The following ASXL3 variants were observed in gnomAD, a reference collection of about 807,000 sequenced individuals.
ASXL3 encodes ASXL transcriptional regulator 3, also known as putative Polycomb group protein ASXL3.
Under a neutral mutation model 170.6 loss-of-function variants are expected in ASXL3, and 34 were observed. The observed-to-expected ratio is 0.20, with a 90% CI of 0.15 to 0.27. The LOEUF (loss-of-function observed/expected upper bound fraction) is 0.27, where lower values mean the gene tolerates loss of function less well. Ranked by LOEUF, ASXL3 falls within the 10% of genes least tolerant of loss-of-function variation. ASXL3 has a pLI of 1.00. For synonymous variants in ASXL3, 1,002 were observed against 989.1 expected (o/e 1.01, Z -0.24); for missense variants, 2,592 against 2,695.3 (o/e 0.96, Z 0.85).
rs1026718649 is a variant in ASXL3, at chr18:33,743,480, A to C, written c.3632A>C (p.His1211Pro). ...HSSDENIPVSHLSEKIVSSTS... is the reference protein window; with the variant it reads ...HSSDENIPVSPLSEKIVSSTS... ...TCTGATGAAAACATACCTGTGTCACATTTATCTGAGAAAATTGTTTCATCT... is the reference window on the plus strand; with the variant it reads ...TCTGATGAAAACATACCTGTGTCACCTTTATCTGAGAAAATTGTTTCATCT... Residue 1211 changes from histidine (H) to proline (P), a missense_variant, in exon 12 of 12, where the codon CAT (histidine) becomes CCT (proline). Physicochemically the swap from His to Pro is moderately conservative, Grantham distance 77 (BLOSUM62 -2). Around this residue, in one of 4 missense-constraint regions of ASXL3, gnomAD observed 2,246 missense variants for 2,219.6 expected, o/e 1.01. Transcript: ENST00000269197. 16 of 1,613,674 alleles carry C rather than the reference A, an allele frequency of 9.9e-6. No homozygotes were observed. The highest frequency in any genetic ancestry group is 1.3e-5 in the Non-Finnish European group (15 of 1,179,892).
At chr18:33,690,937 C>A (rs75599720) in intron 8 of ASXL3, among the ~76,000 whole-genome samples, 1 of 152,136 alleles carries the variant, frequency 6.6e-6, no homozygotes, top group African/African-American at 2.4e-5. Flanking sequence ...TAAAACTCCT[C>A]TCCAGGCCAC....
rs1423567098 is a variant in ASXL3, at chr18:33,578,472, C to A, written c.-160C>A. 2 of 194,970 alleles carry A rather than the reference C, an allele frequency of 1.0e-5. No individual in the cohort carries two copies. The highest frequency in any genetic ancestry group is 2.9e-5 in the African/African-American group (1 of 34,584). 12.1% of individuals were successfully genotyped at this position (194,970 alleles called of 1,614,324 possible). On this transcript the variant is annotated 5_prime_UTR_variant, in exon 1 of 12. Coordinates refer to ENST00000269197, the MANE Select transcript of ASXL3 (RefSeq NM_030632.3). The stretch of plus-strand genomic sequence containing the variant: ...CATCCCTCCCACCCGCCGCCGCCGC[C>A]GCCGCCGCCGCCGCCGCCGCCGCCG...
intron 8 of ASXL3, among the ~76,000 whole-genome samples, chr18:33,706,417 G>C (rs1248979141): frequency 6.6e-6 from 1 of 151,756 alleles, no homozygotes; most frequent in Non-Finnish European, 1.5e-5. Context: ...AGCTTTTCAA[G>C]ATAGTATTAA....
chr18:33,734,147 T>TCTA (rs1599557099), intron 9 of ASXL3, among the ~76,000 whole-genome samples, 163 bp from the exon 10 acceptor site: 10 of 151,984 alleles, frequency 6.6e-5, no homozygotes, highest in African/African-American at 1.9e-4. Context: ...ATGAACATCT[T>TCTA]GAGTGATGTT....
chr18:33,735,875 G>A (rs1478460859), intron 10 of ASXL3, among the ~76,000 whole-genome samples: 2 of 152,056 alleles, frequency 1.3e-5, no homozygotes, highest in East Asian at 1.9e-4. Context: ...ACTGTTTGTA[G>A]GACTACCTAA....
rs531991777 is a variant in ASXL3 at position 33,604,872 on chromosome 18, G to T, written c.55-2722G>T. On this transcript the variant is annotated intron_variant, in intron 1 of 11. Transcript: ENST00000269197. The stretch of plus-strand genomic sequence containing the variant: ...ATGTGTGGCATATGAAACAAATTAT[G>T]TTGGGGAAATAAGGCTTACTGTGGG... Among the ~76,000 whole-genome samples the T allele has an allele frequency of 1.1e-4, 16 of 152,112 alleles. No individual in the cohort carries two copies. In the East Asian group the frequency reaches 2.9e-3, roughly 28 times the overall value.
intron 11 of ASXL3, among the ~76,000 whole-genome samples, chr18:33,742,011 T>TAAAC (rs1193213018): frequency 2.6e-5 from 4 of 152,190 alleles, no homozygotes; most frequent in African/African-American, 4.8e-5. Context: ...CAAGAATTGG[T>TAAAC]AAACAGTATG....
At chr18:33,669,003 C>G (rs2066301314) in intron 5 of ASXL3, among the ~76,000 whole-genome samples, 1 of 152,158 alleles carries the variant, frequency 6.6e-6, no homozygotes, top group African/African-American at 2.4e-5. Context: ...AAATTGATCA[C>G]TCTTTATGCA....
intron 8 of ASXL3, among the ~76,000 whole-genome samples, chr18:33,693,492 A>C (rs2066720068): frequency 6.6e-6 from 1 of 152,182 alleles, no homozygotes; most frequent in South Asian, 2.1e-4. Context: ...AATTTGAAAA[A>C]TGCAGTAGAA....
intron 7 of ASXL3, among the ~76,000 whole-genome samples, chr18:33,674,326 G>A (rs376333961): frequency 9.7e-4 from 148 of 152,308 alleles, no homozygotes; most frequent in African/African-American, 3.4e-3. Context: ...AGGAGAGCTA[G>A]CAATTGTAAG....
At chr18:33,711,745 G>C (rs1179848934) in intron 8 of ASXL3, among the ~76,000 whole-genome samples, 1 of 152,036 alleles carries the variant, frequency 6.6e-6, no homozygotes, top group Non-Finnish European at 1.5e-5. Flanking sequence ...GAGGCTATGG[G>C]GATCCCTTGC....
intron 8 of ASXL3, among the ~76,000 whole-genome samples, chr18:33,717,079 T>G (rs1014665872): frequency 1.3e-5 from 2 of 152,136 alleles, no homozygotes; most frequent in Non-Finnish European, 2.9e-5. Flanking sequence ...ATGTAATATG[T>G]CTCTGGTACA....
At chr18:33,630,479 T>TAG (rs2065661200) in intron 2 of ASXL3, among the ~76,000 whole-genome samples, 1 of 151,882 alleles carries the variant, frequency 6.6e-6, no homozygotes, top group Non-Finnish European at 1.5e-5. Context: ...CAAAGTACCT[T>TAG]GAGAATATAG....
chr18:33,714,730 C>T (rs1157801014), intron 8 of ASXL3, among the ~76,000 whole-genome samples: 1 of 152,090 alleles, frequency 6.6e-6, no homozygotes, highest in East Asian at 1.9e-4. Flanking sequence ...AGGCCCCCAA[C>T]TCTTCCCCCA....
At chr18:33,601,791 A>T (rs1024852108) in intron 1 of ASXL3, among the ~76,000 whole-genome samples, 1 of 142,552 alleles carries the variant, frequency 7.0e-6, no homozygotes, top group Non-Finnish European at 1.6e-5. Flanking sequence ...GATTGTATAT[A>T]TATAGTTTGT....
At chr18:33,594,625 A>G (rs755989752) in intron 1 of ASXL3, among the ~76,000 whole-genome samples, 37 of 152,206 alleles carry the variant, frequency 2.4e-4, no homozygotes, top group Non-Finnish European at 2.8e-4. Context: ...TTTAAGAAAC[A>G]AGACCAGAAA....
rs904216293 is a variant in ASXL3 at position 33,749,283 on chromosome 18, T to G, written c.*2688T>G. On this transcript the variant is annotated 3_prime_UTR_variant, in exon 12 of 12. Transcript: ENST00000269197. ...TATATTCTGAGTAGGTTCTTAGTTT[T>G]CTGATTTCTACATGTGTCTGCTATG... 2 of 152,170 alleles carry G rather than the reference T, an allele frequency of 1.3e-5. No individual in the cohort carries two copies. The highest frequency in any genetic ancestry group is 1.3e-4 in the Admixed American group (2 of 15,280). The allele number at this position is 152,170 out of a possible 1,614,324, so 9.4% of individuals were successfully genotyped here. A position where few individuals can be genotyped will look rare whatever the true frequency, so the allele number is the denominator to read the frequency against.
At position 33,739,248 on chromosome 18, in the gene ASXL3, C is replaced by G. The variant is rs2067608330; in HGVS notation, c.1844C>G (p.Ser615Cys). The change falls in exon 11 of 12, where the codon TCT becomes TGT. Residue 615 changes from serine (S) to cysteine (C), a missense_variant. By Grantham distance (112) the Ser-to-Cys change is moderately radical (BLOSUM62 -1). This residue lies in a region of ASXL3 where 2,246 missense variants were observed against 2,219.6 expected (regional missense o/e 1.01). Transcript: ENST00000269197. ...TGCATCTCTGAAACGTCCTTTTCTTCTGAGAGCCCAGAGGGAGCCTGTACC... is the reference window on the plus strand; with the variant it reads ...TGCATCTCTGAAACGTCCTTTTCTTGTGAGAGCCCAGAGGGAGCCTGTACC... ...NACISETSFS[S>C]ESPEGACTSL... The G allele has an allele frequency of 1.2e-6, 2 of 1,613,802 alleles. No homozygotes were observed. Among genetic ancestry groups the G allele is most frequent in the Non-Finnish European group, 1.7e-6 (2 of 1,179,830 alleles).
chr18:33,686,557 G>T (rs2066600747), intron 8 of ASXL3, among the ~76,000 whole-genome samples: 1 of 152,144 alleles, frequency 6.6e-6, no homozygotes, highest in African/African-American at 2.4e-5. Flanking sequence ...TAGAGCCAAA[G>T]AAAAGTGAAT....
Sources: allele counts gnomAD v4.1 joint callset (sites outside exome capture counted in the v4.1 genomes callset), GRCh38; gene constraint gnomAD v4.1.1; regional missense constraint gnomAD v4.1.1; transcripts MANE v1.5; gene names NCBI Gene and HGNC (gene_info 2026-07-23, HGNC 2026-07-21).